The following TMPRSS11E variants were observed in gnomAD, a reference collection of about 807,000 sequenced individuals.
The protein encoded by TMPRSS11E is transmembrane protease serine 11E.
TMPRSS11E carries 38 observed loss-of-function variants against 48.1 expected under a neutral mutation model. That is an observed-to-expected ratio of 0.79 (90% CI 0.61 to 1.04). The LOEUF (loss-of-function observed/expected upper bound fraction) is 1.04, where lower values mean the gene tolerates loss of function less well. Ranked by LOEUF, TMPRSS11E falls within the 50% of genes least tolerant of loss-of-function variation. The pLI is 0.00. For synonymous variants in TMPRSS11E, 158 were observed against 171.9 expected, an observed-to-expected ratio of 0.92 and a Z score of 0.63; for missense variants, 530 against 510.8, an observed-to-expected ratio of 1.04 and a Z score of -0.36.
intron 3 of TMPRSS11E, among the ~76,000 whole-genome samples, chr4:68,467,878 T>C (rs960704919): frequency 6.6e-6 from 1 of 152,208 alleles, no homozygotes; most frequent in African/African-American, 2.4e-5. Context: ...ATTTCCCTTG[T>C]TCTTTGTGCC....
At chr4:68,468,834 A>G (rs549362504) in intron 3 of TMPRSS11E, 45 bp from the exon 4 acceptor site, 2 of 1,359,608 alleles carry the variant, frequency 1.5e-6, no homozygotes, top group South Asian at 1.2e-5. Context: ...GTGGAATTTC[A>G]GAAAGTTGTT....
intron 1 of TMPRSS11E, among the ~76,000 whole-genome samples, chr4:68,449,002 G>A (rs1276352592): frequency 6.6e-6 from 1 of 151,712 alleles, no homozygotes; most frequent in African/African-American, 2.4e-5. Flanking sequence ...TAAGGTCATT[G>A]GTTTTAACTC....
chr4:68,452,603 T>A (rs573168633), intron 1 of TMPRSS11E, among the ~76,000 whole-genome samples: 26 of 152,104 alleles, frequency 1.7e-4, no homozygotes, highest in African/African-American at 5.5e-4. Context: ...CTGTGCTTTC[T>A]AGTCCTGGCT....
chr4:68,467,163 A>G (rs1049401429), intron 3 of TMPRSS11E, among the ~76,000 whole-genome samples: 1 of 152,132 alleles, frequency 6.6e-6, no homozygotes, highest in Non-Finnish European at 1.5e-5. Context: ...GTTAGGTTTT[A>G]AAAATATCTA....
intron 2 of TMPRSS11E, among the ~76,000 whole-genome samples, chr4:68,463,159 A>G (rs1482473066): frequency 6.6e-6 from 1 of 152,218 alleles, no homozygotes; most frequent in Non-Finnish European, 1.5e-5. Flanking sequence ...CGCAAGTATA[A>G]TCTCAATTTA....
rs375086880 is a variant in TMPRSS11E, at chr4:68,454,792, G to C, written c.12-7029G>C. Among the ~76,000 whole-genome samples the C allele has an allele frequency of 1.8e-4, 28 of 151,946 alleles. No homozygotes were observed. The South Asian group carries it at 3.7e-3, about 20-fold the overall frequency. On this transcript the variant is annotated intron_variant, in intron 1 of 9. Transcript: ENST00000305363. ...CATGTGGCCCAACTGTCACATTCAG[G>C]CACATTTTAATCAGGGTCTAGAGAT...
Position 68,471,610 on chromosome 4 carries a change from A to G in TMPRSS11E, c.477A>G (p.Ser159=), listed in dbSNP as rs375122180. The G allele has an allele frequency of 1.5e-5, 23 of 1,583,326 alleles. No homozygotes were observed. Among genetic ancestry groups the G allele is most frequent in the Non-Finnish European group, 1.8e-5 (21 of 1,169,028 alleles). The change falls in exon 5 of 10, where the codon TCA becomes TCG. Residue 159 remains serine (S), a synonymous_variant. Transcript: ENST00000305363. ...AVGPPKVDPH[S]VKIKKINKTE... ...GACCCCCTAAAGTAGATCCTCACTC[A>G]GTTAAAATTAAAAGTAAGTTAATTT...
At chr4:68,482,859 T>C in intron 9 of TMPRSS11E, among the ~76,000 whole-genome samples, 1 of 152,146 alleles carries the variant, frequency 6.6e-6, no homozygotes. Flanking sequence ...TCACTGTCGA[T>C]GTAACTATCA....
chr4:68,472,581 G>A (rs73823659), intron 5 of TMPRSS11E, among the ~76,000 whole-genome samples: 3,856 of 151,970 alleles, frequency 0.025, 165 homozygotes, highest in African/African-American at 0.085. Flanking sequence ...TGGCAGCACT[G>A]GAAACTACAG....
At chr4:68,475,377 ATGGGGT>A (rs373090531) in intron 6 of TMPRSS11E, among the ~76,000 whole-genome samples, 5,641 of 152,216 alleles carry the variant, frequency 0.037, 353 homozygotes, top group African/African-American at 0.13. Context: ...TTCAATAGTT[ATGGGGT>A]TGTTGCACAT....
At chr4:68,471,684 C>A (rs1038552787) in intron 5 of TMPRSS11E, 61 bp downstream of exon 5, 41 of 1,360,290 alleles carry the variant, frequency 3.0e-5, no homozygotes, top group Admixed American at 8.4e-5. Flanking sequence ...TTGATCTTGG[C>A]ACTTATTAAA....
At chr4:68,451,803 A>AT (rs889000677) in intron 1 of TMPRSS11E, among the ~76,000 whole-genome samples, 188 of 151,198 alleles carry the variant, frequency 1.2e-3, no homozygotes, top group African/African-American at 4.4e-3. Flanking sequence ...CAGACAGGTA[A>AT]TTTTTTTTTG....
chr4:68,487,886 A>C (rs1310699355), intron 9 of TMPRSS11E, among the ~76,000 whole-genome samples: 1 of 141,196 alleles, frequency 7.1e-6, no homozygotes, highest in Non-Finnish European at 1.5e-5. Context: ...GGTTACAGTG[A>C]GCTGAGATCA....
intron 1 of TMPRSS11E, among the ~76,000 whole-genome samples, chr4:68,450,245 T>C (rs1728458486): frequency 6.6e-6 from 1 of 151,914 alleles, no homozygotes; most frequent in South Asian, 2.1e-4. Flanking sequence ...TACTAAGTCC[T>C]GTGTGGAAGA....
chr4:68,482,590 CAAAAAAAAAAA>C lies in TMPRSS11E; in HGVS notation c.1110+3621_1110+3631del, dbSNP rs371144994. On this transcript the variant is annotated intron_variant, in intron 9 of 9. Coordinates refer to ENST00000305363, the MANE Select transcript of TMPRSS11E (RefSeq NM_014058.4). ...GTAATGTGGCAAAACTGCATCTCCA[CAAAAAAAAAAA>C]AAAAAAAAAAAAAAAAAAAAATTAG... Among the ~76,000 whole-genome samples the C allele has an allele frequency of 2.8e-5, 3 of 106,056 alleles. No individual in the cohort carries two copies. In the East Asian group the frequency reaches 1.5e-3, roughly 54 times the overall value. The allele number at this position is 106,056 out of a possible 152,430, so 69.6% of individuals were successfully genotyped here. A position where few individuals can be genotyped will look rare whatever the true frequency, so the allele number is the denominator to read the frequency against.
At chr4:68,470,045 A>T (rs892901025) in intron 4 of TMPRSS11E, among the ~76,000 whole-genome samples, 14 of 151,880 alleles carry the variant, frequency 9.2e-5, no homozygotes, top group African/African-American at 3.1e-4. Context: ...GTTTATTGGA[A>T]AGATGAAGTC....
At chr4:68,494,709 T>C (rs1729821493) in intron 9 of TMPRSS11E, among the ~76,000 whole-genome samples, 2 of 152,180 alleles carry the variant, frequency 1.3e-5, no homozygotes, top group Admixed American at 1.3e-4. Flanking sequence ...TTAACAAATA[T>C]AATAATTGGT....
rs149899163 is a variant in TMPRSS11E, at chr4:68,467,480, T to C, written c.258+728T>C. Reference sequence around the variant, plus strand: ...TGAGGTAATTCATGATATAATGTGATGGAAAGAACACTGAACTGGGAGCTG... The same window carrying C: ...TGAGGTAATTCATGATATAATGTGACGGAAAGAACACTGAACTGGGAGCTG... On this transcript the variant is annotated intron_variant, in intron 3 of 9. Coordinates refer to ENST00000305363, the MANE Select transcript of TMPRSS11E (RefSeq NM_014058.4). Among the ~76,000 whole-genome samples the C allele has an allele frequency of 6.6e-4, 100 of 152,290 alleles. No individual in the cohort carries two copies. In the East Asian group the frequency reaches 0.019, roughly 28 times the overall value.
intron 1 of TMPRSS11E, among the ~76,000 whole-genome samples, chr4:68,453,955 G>A (rs930840554): frequency 2.6e-5 from 4 of 151,852 alleles, no homozygotes; most frequent in African/African-American, 9.7e-5. Flanking sequence ...ACTATGAAAT[G>A]CACATTAGGA....
Sources: gnomAD v4.1 joint callset for allele counts (sites outside exome capture counted in the v4.1 genomes callset) on GRCh38, gnomAD v4.1.1 for gene constraint, MANE v1.5 for transcripts, NCBI Gene and HGNC (gene_info 2026-07-23, HGNC 2026-07-21) for gene names.